The following CDH12 variants were observed in gnomAD, a reference collection of about 807,000 sequenced individuals.
CDH12 encodes the protein cadherin-12.
A neutral mutation model predicts 74.1 loss-of-function variants in CDH12; 41 were observed. That is an observed-to-expected ratio of 0.55 (90% CI 0.43 to 0.72). CDH12 has a LOEUF of 0.72. CDH12 is among the 30% of genes least tolerant of loss of function. The probability of loss-of-function intolerance (pLI) is 0.00; values close to 1 mark genes in which losing one functional copy is unlikely to be tolerated. For missense variants in CDH12, 945 were observed against 977.2 expected (o/e 0.97, Z 0.44); for synonymous variants, 399 against 355.0 (o/e 1.12, Z -1.39).
At chr5:22,547,082 A>C (rs1738365551) in intron 1 of CDH12, among the ~76,000 whole-genome samples, 2 of 152,330 alleles carry the variant, frequency 1.3e-5, no homozygotes, top group Admixed American at 1.3e-4. Context: ...GCTGTTTTAT[A>C]GACCATATGC....
chr5:22,336,058 C>T (rs2197341), intron 3 of CDH12, among the ~76,000 whole-genome samples: 51,963 of 151,754 alleles, frequency 0.34, 8,979 homozygotes, highest in South Asian at 0.46. Context: ...GGAACTTGTT[C>T]GGAACTGGAG....
intron 4 of CDH12, among the ~76,000 whole-genome samples, chr5:22,186,643 G>A (rs976112389): frequency 1.2e-4 from 18 of 152,082 alleles, no homozygotes; most frequent in Admixed American, 6.6e-5. Flanking sequence ...GCTAATTTTT[G>A]TATTTTTACT....
chr5:21,974,817 T>C (rs1756992159), intron 6 of CDH12, among the ~76,000 whole-genome samples: 1 of 152,154 alleles, frequency 6.6e-6, no homozygotes, highest in Non-Finnish European at 1.5e-5. Flanking sequence ...CAATACAAAA[T>C]ACATTTTTTG....
intron 1 of CDH12, among the ~76,000 whole-genome samples, chr5:22,611,669 A>C (rs1737407478): frequency 6.6e-6 from 1 of 152,120 alleles, no homozygotes. Context: ...AGTCTTTGGA[A>C]AGAATAAGGC....
At chr5:22,153,884 A>ATG (rs1200924694) in intron 4 of CDH12, among the ~76,000 whole-genome samples, 2 of 62,024 alleles carry the variant, frequency 3.2e-5, no homozygotes, top group East Asian at 1.6e-3. Flanking sequence ...ATATATATAT[A>ATG]TATAAATATA....
chr5:22,058,380 C>CT (rs1345400047), intron 5 of CDH12, among the ~76,000 whole-genome samples: 3 of 152,062 alleles, frequency 2.0e-5, no homozygotes, highest in African/African-American at 7.2e-5. Flanking sequence ...TAAAGCTATA[C>CT]CACTGGTTCT....
At chr5:22,298,678 T>C (rs755892950) in intron 3 of CDH12, among the ~76,000 whole-genome samples, 20 of 152,160 alleles carry the variant, frequency 1.3e-4, no homozygotes, top group Non-Finnish European at 2.5e-4. Flanking sequence ...TTGGTTATAT[T>C]AGTGATGACA....
intron 4 of CDH12, among the ~76,000 whole-genome samples, chr5:22,125,319 T>C (rs1745789004): frequency 6.6e-6 from 1 of 152,172 alleles, no homozygotes; most frequent in Admixed American, 6.5e-5. Flanking sequence ...GTCCATTTGT[T>C]CTCACTGTTC....
intron 3 of CDH12, among the ~76,000 whole-genome samples, chr5:22,257,150 C>A (rs964338038): frequency 6.6e-6 from 1 of 152,072 alleles, no homozygotes; most frequent in Non-Finnish European, 1.5e-5. Context: ...TAGAGAAGAA[C>A]AATCCACACT....
intron 2 of CDH12, among the ~76,000 whole-genome samples, chr5:22,489,746 A>G (rs913826268): frequency 7.1e-6 from 1 of 140,712 alleles, no homozygotes; most frequent in South Asian, 2.2e-4. Context: ...CCCAGGCTAG[A>G]GCACAAATAC....
At chr5:22,087,892 G>A (rs1193030104) in intron 4 of CDH12, among the ~76,000 whole-genome samples, 2 of 152,192 alleles carry the variant, frequency 1.3e-5, no homozygotes, top group African/African-American at 4.8e-5. Context: ...ACCCACTGGG[G>A]ATTGATGGTG....
intron 1 of CDH12, among the ~76,000 whole-genome samples, chr5:22,720,043 C>CAA (rs1743796216): frequency 6.6e-6 from 1 of 151,556 alleles, no homozygotes; most frequent in Admixed American, 6.6e-5. Context: ...ACACAACACA[C>CAA]ACACACACAC....
At chr5:22,149,673 A>G (rs1196687358) in intron 4 of CDH12, among the ~76,000 whole-genome samples, 1 of 152,186 alleles carries the variant, frequency 6.6e-6, no homozygotes, top group Non-Finnish European at 1.5e-5. Flanking sequence ...AAAGTCAGTA[A>G]TAAGTAAACA....
intron 1 of CDH12, among the ~76,000 whole-genome samples, chr5:22,640,412 ACTT>A (rs558635366): frequency 4.2e-4 from 64 of 152,266 alleles, no homozygotes; most frequent in African/African-American, 1.5e-3. Context: ...ATATGTCCAA[ACTT>A]CTTAACACAA....
chr5:22,238,303 G>A (rs1752628107), intron 3 of CDH12, among the ~76,000 whole-genome samples: 1 of 152,164 alleles, frequency 6.6e-6, no homozygotes, highest in South Asian at 2.1e-4. Flanking sequence ...AATACACTGA[G>A]TTTTCTTGGA....
intron 6 of CDH12, among the ~76,000 whole-genome samples, chr5:21,891,399 A>T (rs1752890812): frequency 6.6e-6 from 1 of 152,136 alleles, no homozygotes. Flanking sequence ...TTGATCCAAA[A>T]GCTATTTAAG....
intron 3 of CDH12, among the ~76,000 whole-genome samples, chr5:22,356,857 T>C (rs1007364176): frequency 2.6e-5 from 4 of 152,128 alleles, no homozygotes; most frequent in Non-Finnish European, 4.4e-5. Flanking sequence ...TGTCAACTGA[T>C]GGTCTGAGAA....
chr5:22,453,169 G>A (rs1745121560), intron 2 of CDH12, among the ~76,000 whole-genome samples: 1 of 152,018 alleles, frequency 6.6e-6, no homozygotes, highest in African/African-American at 2.4e-5. Context: ...ATCAAAACCA[G>A]TATGGAGGTT....
intron 1 of CDH12, among the ~76,000 whole-genome samples, chr5:22,745,736 C>A (rs962751116): frequency 2.0e-5 from 3 of 151,906 alleles, no homozygotes; most frequent in Non-Finnish European, 4.4e-5. Context: ...ACACACAGAG[C>A]GGAACGTATC....
Sources: gnomAD v4.1 joint callset for allele counts (sites outside exome capture counted in the v4.1 genomes callset) on GRCh38, gnomAD v4.1.1 for gene constraint, MANE v1.5 for transcripts, NCBI Gene and HGNC (gene_info 2026-07-23, HGNC 2026-07-21) for gene names.